The following ZNF532 variants were observed in gnomAD, a reference collection of about 807,000 sequenced individuals.
ZNF532 encodes the protein zinc finger protein 532.
ZNF532 carries 22 observed loss-of-function variants against 89.3 expected under a neutral mutation model. That is an observed-to-expected ratio of 0.25 (90% confidence interval 0.18 to 0.35). The LOEUF (loss-of-function observed/expected upper bound fraction) is 0.35. Ranked by LOEUF, ZNF532 falls within the 10% of genes least tolerant of loss-of-function variation. The pLI, the probability that ZNF532 is intolerant of heterozygous loss-of-function variation, is 1.00. For missense variants in ZNF532, 1,132 were observed against 1,643.4 expected (o/e 0.69, Z 5.38); for synonymous variants, 606 against 649.6 (o/e 0.93, Z 1.02).
intron 7 of ZNF532, among the ~76,000 whole-genome samples, chr18:58,955,324 CAT>C: frequency 6.6e-6 from 1 of 152,308 alleles, no homozygotes; most frequent in Non-Finnish European, 1.5e-5. Flanking sequence ...TCATGAGGAA[CAT>C]AATACCAGCT....
chr18:58,980,975 A>G (rs1603351601), intron 8 of ZNF532: 1 of 156,650 alleles, frequency 6.4e-6, no homozygotes. Flanking sequence ...GGCCTGCTTT[A>G]TTAAAATAAG....
intron 7 of ZNF532, among the ~76,000 whole-genome samples, chr18:58,969,984 A>G (rs930077288): frequency 4.7e-5 from 7 of 148,982 alleles, no homozygotes; most frequent in Non-Finnish European, 1.5e-5. Flanking sequence ...TCTGGGTTCA[A>G]GCGATTCTCC....
At chr18:58,899,956 T>G (rs1402340805) in intron 2 of ZNF532, among the ~76,000 whole-genome samples, 1 of 152,246 alleles carries the variant, frequency 6.6e-6, no homozygotes, top group Non-Finnish European at 1.5e-5. Flanking sequence ...TTCCAAAAGT[T>G]CCTTCATAAC....
intron 3 of ZNF532, among the ~76,000 whole-genome samples, chr18:58,925,368 A>T (rs2061441206): frequency 6.6e-6 from 1 of 152,170 alleles, no homozygotes; most frequent in African/African-American, 2.4e-5. Flanking sequence ...GTGGCTAATG[A>T]TGTTGAACAC....
intron 7 of ZNF532, among the ~76,000 whole-genome samples, chr18:58,968,541 T>C (rs576574604): frequency 7.9e-5 from 12 of 152,228 alleles, no homozygotes; most frequent in Non-Finnish European, 1.3e-4. Context: ...AGTGCCTCCC[T>C]GAACCTTCTC....
intron 2 of ZNF532, among the ~76,000 whole-genome samples, chr18:58,888,827 A>ATTATATATATAAT (rs1350981844): frequency 1.2e-4 from 2 of 17,170 alleles, no homozygotes; most frequent in African/African-American, 6.4e-4. Context: ...ATATATATAA[A>ATTATATATATAAT]TTATATATAT....
intron 2 of ZNF532, among the ~76,000 whole-genome samples, chr18:58,877,975 C>G (rs2057570937): frequency 6.6e-6 from 1 of 152,100 alleles, no homozygotes; most frequent in Non-Finnish European, 1.5e-5. Flanking sequence ...GGCAGGTTGG[C>G]TGGGCATGGT....
chr18:58,892,155 A>G (rs914839617), intron 2 of ZNF532, among the ~76,000 whole-genome samples: 4 of 152,226 alleles, frequency 2.6e-5, no homozygotes, highest in African/African-American at 4.8e-5. Context: ...AGTTAAACAT[A>G]TATCTTCAGG....
intron 2 of ZNF532, among the ~76,000 whole-genome samples, chr18:58,885,023 T>A (rs2058195257): frequency 6.6e-6 from 1 of 150,984 alleles, no homozygotes; most frequent in Non-Finnish European, 1.5e-5. Flanking sequence ...AGTTTCACTC[T>A]TGTTACCTAG....
intron 2 of ZNF532, among the ~76,000 whole-genome samples, chr18:58,916,031 C>T (rs966004475): frequency 1.3e-5 from 2 of 152,232 alleles, no homozygotes; most frequent in African/African-American, 2.4e-5. Context: ...CCAAGCTTTG[C>T]ATCAGTTAAA....
At chr18:58,882,421 G>A (rs954565348) in intron 2 of ZNF532, among the ~76,000 whole-genome samples, 3 of 152,088 alleles carry the variant, frequency 2.0e-5, no homozygotes, top group Non-Finnish European at 2.9e-5. Context: ...ATGCATGCCT[G>A]TTTCCTAAAA....
intron 3 of ZNF532, 119 bp from the exon 4 acceptor site, chr18:58,934,314 C>T (rs1293650623): frequency 1.1e-6 from 1 of 926,254 alleles, no homozygotes; most frequent in Non-Finnish European, 1.6e-6. Flanking sequence ...GGCTTAGAAT[C>T]AATTACTGTA....
At chr18:58,943,336 A>G (rs1026363409) in intron 5 of ZNF532, among the ~76,000 whole-genome samples, 7 of 148,168 alleles carry the variant, frequency 4.7e-5, no homozygotes, top group East Asian at 2.0e-4. Context: ...ATTTTTTTGT[A>G]TTTTTAGTAG....
intron 2 of ZNF532, among the ~76,000 whole-genome samples, chr18:58,880,774 C>CGCGCGCGTGTGTG (rs1568227863): frequency 7.0e-6 from 1 of 142,242 alleles, no homozygotes; most frequent in Admixed American, 6.9e-5. Context: ...GCGCGCGCGT[C>CGCGCGCGTGTGTG]TGTGTGTGTG....
At chr18:58,891,822 C>G (rs1415665084) in intron 2 of ZNF532, among the ~76,000 whole-genome samples, 1 of 152,182 alleles carries the variant, frequency 6.6e-6, no homozygotes, top group Non-Finnish European at 1.5e-5. Context: ...CCAGCCTATG[C>G]CAGTCTGCCC....
chr18:58,944,858 G>A lies in ZNF532; in HGVS notation c.2706-3209G>A, dbSNP rs116534709. 6.4e-3 allele frequency among the ~76,000 whole-genome samples: 981 copies of A among 152,250 alleles called. 12 individuals are homozygous for A. The highest frequency in any genetic ancestry group is 0.022 in the African/African-American group (911 of 41,546). ...TCCCCCAGATTCCTCGGTTGTTAGC[G>A]TTGCAGTCATTGGTCTGTCTCCCTC... is the stretch of plus-strand genomic sequence containing the variant. On this transcript the variant is annotated intron_variant, in intron 5 of 9. Transcript: ENST00000591808.
chr18:58,877,306 C>T (rs1467509798), intron 2 of ZNF532, among the ~76,000 whole-genome samples: 1 of 152,082 alleles, frequency 6.6e-6, no homozygotes, highest in Non-Finnish European at 1.5e-5. Context: ...TCCATTGGGT[C>T]CTTGGGTGAA....
At chr18:58,905,066 T>C (rs574408388) in intron 2 of ZNF532, among the ~76,000 whole-genome samples, 11 of 152,256 alleles carry the variant, frequency 7.2e-5, no homozygotes, top group Admixed American at 6.5e-4. Flanking sequence ...GGTCTTGAAC[T>C]CCTGGCCTCA....
intron 2 of ZNF532, among the ~76,000 whole-genome samples, chr18:58,887,016 C>A (rs17761373): frequency 6.6e-6 from 1 of 152,148 alleles, no homozygotes; most frequent in African/African-American, 2.4e-5. Context: ...TTCACTTGTC[C>A]TTTACCAGAT....
Sources: allele counts gnomAD v4.1 joint callset (sites outside exome capture counted in the v4.1 genomes callset), GRCh38; gene constraint gnomAD v4.1.1; transcripts MANE v1.5; gene names NCBI Gene and HGNC (gene_info 2026-07-23, HGNC 2026-07-21).